Variants in NF1 observed in about 807,000 individuals in gnomAD.
NF1 encodes the protein neurofibromin 1, also known as neurofibromin.
A neutral mutation model predicts 325.7 loss-of-function variants in NF1; 122 were observed. The observed-to-expected ratio is 0.37, with a 90% CI of 0.32 to 0.44. The LOEUF is 0.44. Ranked by LOEUF, NF1 falls within the 20% of genes least tolerant of loss-of-function variation. The pLI, the probability that NF1 is intolerant of heterozygous loss-of-function variation, is 1.00. For synonymous variants in NF1, 1,091 were observed against 1,186.0 expected (o/e 0.92, Z 1.65); for missense variants, 2,140 against 3,415.4 (o/e 0.63, Z 9.31).
At chr17:31,205,485 A>G (rs1402746697) in intron 11 of NF1, among the ~76,000 whole-genome samples, 3 of 152,180 alleles carry the variant, frequency 2.0e-5, no homozygotes, top group Non-Finnish European at 4.4e-5. Context: ...ATTTTTTAAT[A>G]ATATATCAAG....
intron 36 of NF1, among the ~76,000 whole-genome samples, chr17:31,275,336 T>C (rs1189507892): frequency 6.6e-6 from 1 of 152,210 alleles, no homozygotes; most frequent in Non-Finnish European, 1.5e-5. Context: ...TGTGTCACAG[T>C]GCTGCATTAG....
chr17:31,308,437 G>A (rs1377270256), intron 36 of NF1, among the ~76,000 whole-genome samples: 2 of 151,994 alleles, frequency 1.3e-5, no homozygotes. Flanking sequence ...CACCACGCCT[G>A]GCCTGTTAAG....
At chr17:31,158,908 G>A in intron 2 of NF1, 102 bp from the exon 3 acceptor site, 3 of 711,748 alleles carry the variant, frequency 4.2e-6, no homozygotes, top group Non-Finnish European at 7.7e-6. Context: ...AGGTAAAATG[G>A]AAGACTATTG....
chr17:31,156,155 G>T (rs777454394), intron 2 of NF1, 29 bp downstream of exon 2: 5 of 1,612,092 alleles, frequency 3.1e-6, no homozygotes, highest in Non-Finnish European at 4.2e-6. Flanking sequence ...GTGTTTTGGG[G>T]AATTTGCTTT....
chr17:31,309,277 A>G (rs944486155), intron 36 of NF1, among the ~76,000 whole-genome samples: 1 of 152,190 alleles, frequency 6.6e-6, no homozygotes, highest in African/African-American at 2.4e-5. Flanking sequence ...TTTAACCTGT[A>G]TTGGGCTTCT....
At chr17:31,287,861 C>T (rs1027262433) in intron 36 of NF1, among the ~76,000 whole-genome samples, 2 of 143,112 alleles carry the variant, frequency 1.4e-5, no homozygotes, top group South Asian at 2.1e-4. Flanking sequence ...TATTCTCACT[C>T]ATAGGTGGGA....
chr17:31,108,986 C>T (rs1172033803), intron 1 of NF1, among the ~76,000 whole-genome samples: 1 of 152,162 alleles, frequency 6.6e-6, no homozygotes, highest in Non-Finnish European at 1.5e-5. Context: ...AACTCAAAAG[C>T]AAAAGTGCTT....
intron 29 of NF1, among the ~76,000 whole-genome samples, chr17:31,240,547 G>A (rs2067278375): frequency 6.6e-6 from 1 of 152,148 alleles, no homozygotes; most frequent in Non-Finnish European, 1.5e-5. Context: ...ACATGGGAGT[G>A]CCGATATGTC....
chr17:31,170,888 G>A (rs2065918397), intron 5 of NF1, among the ~76,000 whole-genome samples: 1 of 152,046 alleles, frequency 6.6e-6, no homozygotes, highest in Non-Finnish European at 1.5e-5. Flanking sequence ...GGCTAATTTA[G>A]ATATGAAACC....
At chr17:31,146,429 A>T (rs1916593301) in intron 1 of NF1, among the ~76,000 whole-genome samples, 1 of 151,626 alleles carries the variant, frequency 6.6e-6, no homozygotes, top group South Asian at 2.1e-4. Flanking sequence ...CCATCCATCC[A>T]TCCATCCATC....
chr17:31,367,950 CA>C (rs2070561573), intron 57 of NF1, among the ~76,000 whole-genome samples: 1 of 143,954 alleles, frequency 6.9e-6, no homozygotes, highest in African/African-American at 2.6e-5. Flanking sequence ...CTCTGTCTCA[CA>C]AAAAAATTAA....
chr17:31,287,887 C>T (rs889848778), intron 36 of NF1, among the ~76,000 whole-genome samples: 1 of 135,196 alleles, frequency 7.4e-6, no homozygotes, highest in Admixed American at 8.7e-5. Flanking sequence ...ACAATGAGAA[C>T]ACATGGACAC....
chr17:31,121,349 A>T (rs1452396989), intron 1 of NF1, among the ~76,000 whole-genome samples: 1 of 149,248 alleles, frequency 6.7e-6, no homozygotes, highest in Non-Finnish European at 1.5e-5. Flanking sequence ...ATATTCATTC[A>T]TTCAACAAAT....
chr17:31,333,981 T>C (rs2069572106), intron 39 of NF1, among the ~76,000 whole-genome samples: 1 of 152,160 alleles, frequency 6.6e-6, no homozygotes, highest in Admixed American at 6.5e-5. Context: ...GAATTTGTAA[T>C]GTTGAATAAA....
At position 31,358,716 on chromosome 17, in the gene NF1, T is replaced by C. The variant is rs2070332524; in HGVS notation, c.8113+94T>C. The stretch of plus-strand genomic sequence containing the variant: ...TGACTACAGAATTCTTTATAAGGGA[T>C]AGACTTGTTCATACTTTTATTTCCA... On this transcript the variant is annotated intron_variant, in intron 55 of 57. Coordinates refer to ENST00000358273, the MANE Select transcript of NF1 (RefSeq NM_001042492.3). The C allele has an allele frequency of 5.4e-6, 8 of 1,491,118 alleles. No homozygotes were observed. In the East Asian group the frequency reaches 1.8e-4, roughly 34 times the overall value. The allele number at this position is 1,491,118 out of a possible 1,614,324, so 92.4% of individuals were successfully genotyped here.
intron 1 of NF1, among the ~76,000 whole-genome samples, chr17:31,154,299 C>T (rs1019263610): frequency 6.6e-6 from 1 of 151,952 alleles, no homozygotes; most frequent in Admixed American, 6.6e-5. Context: ...TCAAGTGATC[C>T]ACCTGCCTTG....
chr17:31,363,735 AT>A (rs1289252413), intron 57 of NF1, among the ~76,000 whole-genome samples: 2,116 of 133,294 alleles, frequency 0.016, 37 homozygotes, highest in African/African-American at 0.053. Flanking sequence ...TGCGCCCAGC[AT>A]TTTTTTTTTT....
intron 36 of NF1, among the ~76,000 whole-genome samples, chr17:31,322,094 T>TACACACACACACACACACACAC (rs71142046): frequency 3.3e-4 from 48 of 147,410 alleles, no homozygotes; most frequent in Admixed American, 1.1e-3. Flanking sequence ...AGTGTGTGTA[T>TACACACACACACACACACACAC]ACACACACAC....
chr17:31,141,900 T>C lies in NF1; in HGVS notation c.61-14083T>C, dbSNP rs566757123. Among the ~76,000 whole-genome samples, 28 of 152,346 alleles carry C rather than the reference T, an allele frequency of 1.8e-4. 1 individual carries two copies. In the Middle Eastern group the frequency reaches 0.017, roughly 93 times the overall value. ...ATGTTTGTTACCTGGTGTCTAGAGC[T>C]GATGTATTGGGTACTTCCCCTCTAG... On this transcript the variant is annotated intron_variant, in intron 1 of 57. Transcript: ENST00000358273.
Sources: allele counts gnomAD v4.1 joint callset (sites outside exome capture counted in the v4.1 genomes callset), GRCh38; gene constraint gnomAD v4.1.1; transcripts MANE v1.5; gene names NCBI Gene and HGNC (gene_info 2026-07-23, HGNC 2026-07-21).